STPG2: variants seen among roughly 807,000 people sequenced by gnomAD.
STPG2 encodes sperm tail PG-rich repeat containing 2.
STPG2 carries 56 observed loss-of-function variants against 54.2 expected under a neutral mutation model. That is an observed-to-expected ratio of 1.03 (90% confidence interval 0.83 to 1.29). The LOEUF is 1.29. STPG2 is among the 50% of genes most tolerant of loss of function. STPG2 has a pLI of 0.00. For missense variants in STPG2, 596 were observed against 544.9 expected (o/e 1.09, Z -0.93); for synonymous variants, 200 against 181.8 (o/e 1.10, Z -0.81).
At chr4:97,779,472 G>C (rs943738593) in intron 9 of STPG2, among the ~76,000 whole-genome samples, 2 of 152,176 alleles carry the variant, frequency 1.3e-5, no homozygotes, top group Admixed American at 6.5e-5. Flanking sequence ...ACCTGAAAGT[G>C]ATGGGGAGAA....
intron 4 of STPG2, among the ~76,000 whole-genome samples, chr4:97,521,173 A>G (rs1434554531): frequency 6.6e-6 from 1 of 152,050 alleles, no homozygotes; most frequent in Admixed American, 6.6e-5. Context: ...TGATCATTCC[A>G]TGATCAGTGT....
chr4:97,799,310 G>C (rs1234908266), intron 9 of STPG2, among the ~76,000 whole-genome samples: 1 of 152,256 alleles, frequency 6.6e-6, no homozygotes, highest in Non-Finnish European at 1.5e-5. Flanking sequence ...TGTTTTTGCA[G>C]TGGCTGGTAC....
At chr4:98,049,920 A>G (rs902786268) in intron 5 of STPG2, among the ~76,000 whole-genome samples, 4 of 152,224 alleles carry the variant, frequency 2.6e-5, no homozygotes, top group Admixed American at 6.5e-5. Flanking sequence ...ACAAATTTAT[A>G]GAAAATACAA....
intron 9 of STPG2, among the ~76,000 whole-genome samples, chr4:97,837,123 C>A (rs1245006922): frequency 6.6e-6 from 1 of 151,524 alleles, no homozygotes; most frequent in African/African-American, 2.4e-5. Flanking sequence ...TCAAAATTAA[C>A]TAAACTCCAC....
At chr4:97,714,328 T>A (rs1724223146) in intron 9 of STPG2, among the ~76,000 whole-genome samples, 1 of 152,154 alleles carries the variant, frequency 6.6e-6, no homozygotes, top group Admixed American at 6.6e-5. Flanking sequence ...AAGAAGGACA[T>A]CTAGGCTCTA....
At chr4:98,013,373 A>G (rs1196865236) in intron 5 of STPG2, among the ~76,000 whole-genome samples, 1 of 152,166 alleles carries the variant, frequency 6.6e-6, no homozygotes, top group African/African-American at 2.4e-5. Context: ...GGGTTTTCGC[A>G]TGAATGTTCT....
intron 10 of STPG2, among the ~76,000 whole-genome samples, chr4:97,596,164 A>G (rs1462879955): frequency 2.0e-5 from 3 of 152,188 alleles, no homozygotes; most frequent in Non-Finnish European, 4.4e-5. Context: ...AGATAAAAAA[A>G]GAAGGGCATT....
At chr4:97,601,887 A>G (rs1384964700) in intron 10 of STPG2, among the ~76,000 whole-genome samples, 4 of 151,814 alleles carry the variant, frequency 2.6e-5, no homozygotes, top group African/African-American at 9.7e-5. Context: ...GAGAATTGAA[A>G]CTTGAGAATC....
chr4:97,632,738 G>A (rs1721332243), intron 10 of STPG2, among the ~76,000 whole-genome samples: 1 of 152,118 alleles, frequency 6.6e-6, no homozygotes, highest in African/African-American at 2.4e-5. Flanking sequence ...TTTTCAATGT[G>A]ACCAAGACCA....
intron 4 of STPG2, among the ~76,000 whole-genome samples, chr4:97,524,771 A>C (rs1731249076): frequency 6.6e-6 from 1 of 151,984 alleles, no homozygotes; most frequent in Non-Finnish European, 1.5e-5. Context: ...TTGTACAACC[A>C]ATAACTGGTC....
chr4:97,922,464 TTGAAGAAACTGAGAATGCC>T (rs1732145400), intron 8 of STPG2, among the ~76,000 whole-genome samples: 1 of 152,228 alleles, frequency 6.6e-6, no homozygotes, highest in Non-Finnish European at 1.5e-5. Flanking sequence ...TCTCCTCATT[TTGAAGAAACTGAGAATGCC>T]TTTGTTGTAC....
At chr4:97,854,924 C>T (rs1729285111) in intron 8 of STPG2, among the ~76,000 whole-genome samples, 1 of 152,090 alleles carries the variant, frequency 6.6e-6, no homozygotes, top group South Asian at 2.1e-4. Flanking sequence ...CCAACAAGGC[C>T]CCAGTGTGTG....
At chr4:97,904,854 T>G (rs575590903) in intron 8 of STPG2, among the ~76,000 whole-genome samples, 1 of 152,064 alleles carries the variant, frequency 6.6e-6, no homozygotes, top group African/African-American at 2.4e-5. Context: ...AGAAAGGGTA[T>G]CAGCGATGGA....
At chr4:98,047,554 C>T (rs1211557351) in intron 5 of STPG2, among the ~76,000 whole-genome samples, 1 of 152,128 alleles carries the variant, frequency 6.6e-6, no homozygotes, top group African/African-American at 2.4e-5. Flanking sequence ...AAATCCACAT[C>T]TTTATTCTCT....
At chr4:97,550,750 T>C (rs1182948586) in intron 4 of STPG2, among the ~76,000 whole-genome samples, 1 of 152,140 alleles carries the variant, frequency 6.6e-6, no homozygotes, top group African/African-American at 2.4e-5. Flanking sequence ...TCAGAGTTTC[T>C]TCCTTCTGGT....
At chr4:98,079,192 G>A (rs1738262955) in intron 5 of STPG2, among the ~76,000 whole-genome samples, 1 of 151,882 alleles carries the variant, frequency 6.6e-6, no homozygotes, top group Non-Finnish European at 1.5e-5. Flanking sequence ...AATCTACATG[G>A]GCAGCCTGTT....
chr4:97,930,820 T>G (rs1003082275), intron 8 of STPG2, among the ~76,000 whole-genome samples: 1 of 152,184 alleles, frequency 6.6e-6, no homozygotes, highest in African/African-American at 2.4e-5. Flanking sequence ...GCGTGGTATG[T>G]TTTTCTATTT....
intron 8 of STPG2, among the ~76,000 whole-genome samples, chr4:97,863,263 A>G: frequency 6.6e-6 from 1 of 152,174 alleles, no homozygotes; most frequent in East Asian, 1.9e-4. Flanking sequence ...GATGAAGGGG[A>G]TATCACCACC....
At chr4:97,832,966 C>T (rs1728514290) in intron 9 of STPG2, among the ~76,000 whole-genome samples, 1 of 152,134 alleles carries the variant, frequency 6.6e-6, no homozygotes, top group Non-Finnish European at 1.5e-5. Flanking sequence ...ATGCTATCCC[C>T]ATTAAGCTAC....
Sources: allele counts gnomAD v4.1 joint callset (sites outside exome capture counted in the v4.1 genomes callset), GRCh38; gene constraint gnomAD v4.1.1; transcripts MANE v1.5; gene names NCBI Gene and HGNC (gene_info 2026-07-23, HGNC 2026-07-21).